Variants in SLC36A1 observed in about 807,000 individuals in gnomAD.
SLC36A1 encodes proton-coupled amino acid transporter 1.
A neutral mutation model predicts 47.5 loss-of-function variants in SLC36A1; 30 were observed. The ratio of observed to expected loss-of-function variants is 0.63; its 90% CI spans 0.47 to 0.86. The LOEUF is 0.86. Among genes scored for constraint, SLC36A1 ranks in the 40% least tolerant of loss-of-function variants. The probability of loss-of-function intolerance (pLI) is 0.00; values close to 1 mark genes in which losing one functional copy is unlikely to be tolerated. For synonymous variants in SLC36A1, 255 were observed against 249.7 expected (o/e 1.02, Z -0.20); for missense variants, 517 against 606.0 (o/e 0.85, Z 1.54).
the SLC36A1 span, chr5:151,347,233 G>T: frequency 6.2e-7 from 1 of 1,600,614 alleles, no homozygotes; most frequent in East Asian, 2.2e-5. Flanking sequence ...CCACCTCAGG[G>T]TTTTTGCCAA....
chr5:151,435,767 G>GA (rs139910108), upstream of SLC36A1, among the ~76,000 whole-genome samples: 4,944 of 151,394 alleles, frequency 0.033, 263 homozygotes, highest in African/African-American at 0.11. Flanking sequence ...CAGTAAAGGA[G>GA]AAAAAACATA....
the SLC36A1 span, among the ~76,000 whole-genome samples, chr5:151,397,899 T>A: frequency 6.6e-6 from 1 of 151,976 alleles, no homozygotes; most frequent in Non-Finnish European, 1.5e-5. Context: ...GGAGGATCGC[T>A]TGAGTCCAGG....
At chr5:151,464,224 C>T (rs1755997298) in intron 3 of SLC36A1, among the ~76,000 whole-genome samples, 1 of 152,224 alleles carries the variant, frequency 6.6e-6, no homozygotes, top group African/African-American at 2.4e-5. Context: ...CCCACAGTCA[C>T]AGGAGCCTTC....
At chr5:151,512,501 C>T in the SLC36A1 span, 3 of 1,614,052 alleles carry the variant, frequency 1.9e-6, no homozygotes, top group African/African-American at 1.3e-5. This position sits in a 1 kb window ranked among gnomAD's most constrained non-coding sequence, Gnocchi z 4.1. Context: ...ATCTCCTCCA[C>T]CAGGATGGAG....
At chr5:151,520,558 C>G in the SLC36A1 span, among the ~76,000 whole-genome samples, 3 of 152,278 alleles carry the variant, frequency 2.0e-5, no homozygotes, top group East Asian at 5.8e-4. Flanking sequence ...TGACAGTCAC[C>G]GTTGATCTGG....
At chr5:151,545,329 A>G in the SLC36A1 span, 2 of 1,614,154 alleles carry the variant, frequency 1.2e-6, no homozygotes, top group Non-Finnish European at 1.7e-6. Flanking sequence ...AGAGAGTCCC[A>G]GGAAAGCAGG....
chr5:151,403,749 T>C, the SLC36A1 span, among the ~76,000 whole-genome samples: 1 of 152,238 alleles, frequency 6.6e-6, no homozygotes, highest in Non-Finnish European at 1.5e-5. Flanking sequence ...CTTCTTGGTA[T>C]TGATTTCTAT....
the SLC36A1 span, among the ~76,000 whole-genome samples, chr5:151,402,700 T>C: frequency 6.6e-6 from 1 of 152,222 alleles, no homozygotes. Context: ...TATTGGTCTG[T>C]TCAGAGTCTT....
chr5:151,367,859 T>C, the SLC36A1 span, among the ~76,000 whole-genome samples: 16 of 152,210 alleles, frequency 1.1e-4, no homozygotes, highest in Admixed American at 1.0e-3. Flanking sequence ...AAACATTTCA[T>C]AGGAGCACTG....
At chr5:151,478,797 T>A (rs1758419955) in intron 9 of SLC36A1, among the ~76,000 whole-genome samples, 1 of 151,610 alleles carries the variant, frequency 6.6e-6, no homozygotes, top group East Asian at 1.9e-4. Context: ...ATGATTGTCA[T>A]GTGGGGTGAG....
the SLC36A1 span, chr5:151,528,077 T>C: frequency 6.2e-7 from 1 of 1,614,238 alleles, no homozygotes; most frequent in Non-Finnish European, 8.5e-7. Context: ...GGTTCCCTCC[T>C]ATGAGGCTAT....
At chr5:151,402,889 TTCTC>T in the SLC36A1 span, among the ~76,000 whole-genome samples, 16 of 152,206 alleles carry the variant, frequency 1.1e-4, no homozygotes, top group Non-Finnish European at 1.2e-4. Flanking sequence ...TATTTGGGTC[TTCTC>T]TCTTTTTCAT....
At chr5:151,478,752 TTTTG>T (rs1021016426) in intron 9 of SLC36A1, among the ~76,000 whole-genome samples, 10 of 152,316 alleles carry the variant, frequency 6.6e-5, no homozygotes, top group East Asian at 5.8e-4. Context: ...CCAGTTTCTT[TTTTG>T]TTTGTTTGTT....
the SLC36A1 span, among the ~76,000 whole-genome samples, chr5:151,526,538 A>G: frequency 1.3e-5 from 2 of 152,240 alleles, no homozygotes; most frequent in Admixed American, 6.5e-5. Flanking sequence ...TAGCATCACA[A>G]ACAGAATCTA....
At chr5:151,419,604 T>C in the SLC36A1 span, among the ~76,000 whole-genome samples, 2 of 152,350 alleles carry the variant, frequency 1.3e-5, no homozygotes, top group South Asian at 4.1e-4. Flanking sequence ...TAGAATCATC[T>C]GGATGTCTTG....
the SLC36A1 span, chr5:151,521,738 C>A: frequency 6.2e-7 from 1 of 1,614,042 alleles, no homozygotes; most frequent in East Asian, 2.2e-5. Flanking sequence ...ACATGCCACA[C>A]GTACACATGG....
At chr5:151,446,197 T>A (rs1016142275), upstream of SLC36A1, among the ~76,000 whole-genome samples, 1 of 152,204 alleles carries the variant, frequency 6.6e-6, no homozygotes, top group African/African-American at 2.4e-5. Context: ...AAAATATTTT[T>A]TAAATTTCCC....
At chr5:151,470,396 G>GT (rs1335514693) in intron 7 of SLC36A1, among the ~76,000 whole-genome samples, 1 of 152,218 alleles carries the variant, frequency 6.6e-6, no homozygotes, top group Admixed American at 6.5e-5. Flanking sequence ...CAACCAACTG[G>GT]TAGTATCCAT....
At chr5:151,371,273 T>C in the SLC36A1 span, among the ~76,000 whole-genome samples, 1 of 152,200 alleles carries the variant, frequency 6.6e-6, no homozygotes, top group Admixed American at 6.5e-5. Flanking sequence ...GTATAGAACT[T>C]TGGAGTTCTT....
Sources: allele counts gnomAD v4.1 joint callset (sites outside exome capture counted in the v4.1 genomes callset), GRCh38; gene constraint gnomAD v4.1.1; non-coding constraint Gnocchi (gnomAD v3.1); transcripts MANE v1.5; gene names NCBI Gene and HGNC (gene_info 2026-07-23, HGNC 2026-07-21).